GALNT2: variants seen among roughly 807,000 people sequenced by gnomAD.
The protein encoded by GALNT2 is UDP-GalNAc:polypeptide N-acetylgalactosaminyltransferase 2.
Under a neutral mutation model 81.4 loss-of-function variants are expected in GALNT2, and 31 were observed. That is an observed-to-expected ratio of 0.38 (90% CI 0.29 to 0.51). The LOEUF (loss-of-function observed/expected upper bound fraction) is 0.51. Ranked by LOEUF, GALNT2 falls within the 20% of genes least tolerant of loss-of-function variation. GALNT2 has a pLI of 0.87. For missense variants in GALNT2, 629 were observed against 765.7 expected, an observed-to-expected ratio of 0.82 and a Z score of 2.11; for synonymous variants, 303 against 287.4, an observed-to-expected ratio of 1.05 and a Z score of -0.55.
intron 1 of GALNT2, among the ~76,000 whole-genome samples, chr1:230,121,177 G>A (rs1661004965): frequency 6.6e-6 from 1 of 152,196 alleles, no homozygotes. Context: ...GGATCTGGAG[G>A]TCACTTCCAG....
In GALNT2 at chr1:230,243,225, G is replaced by C; in HGVS notation, c.608-81G>C. 6.7e-7 allele frequency: 1 copy of C among 1,486,238 alleles called. No homozygotes were observed. The allele number at this position is 1,486,238 out of a possible 1,614,324, so 92.1% of individuals were successfully genotyped here. The stretch of plus-strand genomic sequence containing the variant: ...AAGCAGGCTGCAGAGCTGCGGGCAG[G>C]GAGGCGTCGCCGGTTGGCATGGGGT... On this transcript the variant is annotated intron_variant, in intron 6 of 15. Coordinates refer to ENST00000366672, the MANE Select transcript of GALNT2 (RefSeq NM_004481.5). This position sits in a 1 kb window ranked among gnomAD's most constrained non-coding sequence, Gnocchi z 4.2.
intron 14 of GALNT2, among the ~76,000 whole-genome samples, chr1:230,267,105 G>T (rs960674571): frequency 6.6e-6 from 1 of 152,170 alleles, no homozygotes; most frequent in African/African-American, 2.4e-5. Context: ...TTGTGCACAT[G>T]CACCTAGACT....
At chr1:230,167,530 T>C (rs948005201) in intron 1 of GALNT2, among the ~76,000 whole-genome samples, 1 of 152,232 alleles carries the variant, frequency 6.6e-6, no homozygotes, top group Non-Finnish European at 1.5e-5. Flanking sequence ...TGGGAAGGAT[T>C]TAACCAGGTG....
chr1:230,174,301 G>T (rs183936499), intron 1 of GALNT2, among the ~76,000 whole-genome samples: 1 of 152,194 alleles, frequency 6.6e-6, no homozygotes, highest in Non-Finnish European at 1.5e-5. Flanking sequence ...TGCAGCATTG[G>T]CCTCTCCTCT....
intron 11 of GALNT2, 149 bp downstream of exon 11, chr1:230,255,493 T>TGGAATGCG: frequency 9.7e-7 from 1 of 1,034,200 alleles, no homozygotes; most frequent in Non-Finnish European, 1.4e-6. Flanking sequence ...AAAGGCGCAT[T>TGGAATGCG]CCACGGATGC....
chr1:230,236,751 A>G (rs764606923), intron 6 of GALNT2, 26 bp downstream of exon 6: 1 of 1,593,702 alleles, frequency 6.3e-7, no homozygotes, highest in Non-Finnish European at 8.5e-7. Context: ...ATTCAGCGCC[A>G]AGACAGTTGA....
At chr1:230,174,359 A>C (rs1420247908) in intron 1 of GALNT2, among the ~76,000 whole-genome samples, 1 of 152,052 alleles carries the variant, frequency 6.6e-6, no homozygotes, top group African/African-American at 2.4e-5. Flanking sequence ...CCTCCTGCTC[A>C]CCAGTAGCTT....
chr1:230,130,864 G>A (rs1661345564), intron 1 of GALNT2, among the ~76,000 whole-genome samples: 1 of 152,166 alleles, frequency 6.6e-6, no homozygotes, highest in Non-Finnish European at 1.5e-5. Flanking sequence ...GGCGGGTGGG[G>A]GCTTAAATGG....
At chr1:230,170,122 C>T (rs145985714) in intron 1 of GALNT2, among the ~76,000 whole-genome samples, 9 of 152,310 alleles carry the variant, frequency 5.9e-5, no homozygotes, top group Non-Finnish European at 1.0e-4. Flanking sequence ...CATTCTTAAA[C>T]CTTTCATATC....
chr1:230,063,039 G>A (rs370186322), upstream of GALNT2, among the ~76,000 whole-genome samples: 18 of 152,032 alleles, frequency 1.2e-4, no homozygotes, highest in South Asian at 4.2e-4. Context: ...TAGGCTGGGC[G>A]CGGTGGCTCA....
chr1:230,112,517 T>C (rs999769714), intron 1 of GALNT2, among the ~76,000 whole-genome samples: 1 of 151,916 alleles, frequency 6.6e-6, no homozygotes. Context: ...ATGGGCAGGA[T>C]TGGGGTGAGG....
intron 1 of GALNT2, among the ~76,000 whole-genome samples, chr1:230,092,798 A>T (rs1182820736): frequency 2.0e-5 from 3 of 152,242 alleles, no homozygotes; most frequent in Non-Finnish European, 4.4e-5. Flanking sequence ...GTGTAAGCAC[A>T]GATTCATTAA....
At chr1:230,087,891 A>G (rs1659945362) in intron 1 of GALNT2, among the ~76,000 whole-genome samples, 1 of 152,212 alleles carries the variant, frequency 6.6e-6, no homozygotes, top group African/African-American at 2.4e-5. Flanking sequence ...TTTAGCTATG[A>G]GTACTTACTC....
chr1:230,209,207 A>G (rs942708457), intron 3 of GALNT2, among the ~76,000 whole-genome samples: 1 of 152,106 alleles, frequency 6.6e-6, no homozygotes, highest in African/African-American at 2.4e-5. Context: ...CCCTCTGACT[A>G]GCAGCCGCAT....
chr1:230,136,971 C>T (rs888916117), intron 1 of GALNT2, among the ~76,000 whole-genome samples: 4 of 152,168 alleles, frequency 2.6e-5, no homozygotes, highest in African/African-American at 7.2e-5. Flanking sequence ...ACAGGCCCTG[C>T]GTGGTTGGGG....
At chr1:230,091,021 C>T (rs1426351825) in intron 1 of GALNT2, among the ~76,000 whole-genome samples, 1 of 152,036 alleles carries the variant, frequency 6.6e-6, no homozygotes, top group African/African-American at 2.4e-5. Context: ...CTGAGAAAGC[C>T]AGCACTCCTG....
intron 1 of GALNT2, among the ~76,000 whole-genome samples, chr1:230,163,700 C>T (rs1028325819): frequency 1.5e-4 from 23 of 152,182 alleles, no homozygotes; most frequent in African/African-American, 2.2e-4. Context: ...TCAAATGAGA[C>T]GAAGTGTGTG....
chr1:230,108,711 A>G (rs910500), intron 1 of GALNT2, among the ~76,000 whole-genome samples: 65,241 of 152,098 alleles, frequency 0.43, 14,011 homozygotes, highest in South Asian at 0.53. Flanking sequence ...TTAGCCTGCA[A>G]TTGGGCAAGT....
chr1:230,147,715 C>T (rs925276989), intron 1 of GALNT2, among the ~76,000 whole-genome samples: 37 of 152,324 alleles, frequency 2.4e-4, no homozygotes, highest in Middle Eastern at 3.4e-3. Flanking sequence ...AAGCTGCCTT[C>T]CTCCTCCAAG....
Sources: gnomAD v4.1 joint callset for allele counts (sites outside exome capture counted in the v4.1 genomes callset) on GRCh38, gnomAD v4.1.1 for gene constraint, Gnocchi (gnomAD v3.1) non-coding constraint, MANE v1.5 for transcripts, NCBI Gene and HGNC (gene_info 2026-07-23, HGNC 2026-07-21) for gene names.